Variants in CADPS2 observed in about 807,000 individuals in gnomAD.
CADPS2 encodes calcium-dependent secretion activator 2.
In CADPS2, 93 loss-of-function variants were observed where a neutral mutation model predicts 172.5. That is an observed-to-expected ratio of 0.54 (90% CI 0.46 to 0.64). The LOEUF (loss-of-function observed/expected upper bound fraction) is 0.64. Ranked by LOEUF, CADPS2 falls within the 30% of genes least tolerant of loss-of-function variation. The pLI is 0.00. For missense variants in CADPS2, 1,420 were observed against 1,565.9 expected (o/e 0.91, Z 1.57); for synonymous variants, 546 against 555.2 (o/e 0.98, Z 0.23).
chr7:122,774,382 T>C (rs1216001001), intron 1 of CADPS2, among the ~76,000 whole-genome samples: 2 of 152,042 alleles, frequency 1.3e-5, no homozygotes, highest in African/African-American at 4.8e-5. Context: ...TAAAGAGCTG[T>C]ATTTTTTTCT....
chr7:122,416,460 C>T (rs746047241), intron 17 of CADPS2, among the ~76,000 whole-genome samples: 18 of 152,136 alleles, frequency 1.2e-4, no homozygotes, highest in African/African-American at 2.7e-4. Context: ...TCAAGGTCAG[C>T]GACACAAAGA....
intron 1 of CADPS2, among the ~76,000 whole-genome samples, chr7:122,876,600 T>C (rs1335783503): frequency 1.3e-5 from 2 of 152,140 alleles, no homozygotes; most frequent in African/African-American, 2.4e-5. Flanking sequence ...TGGGCTTAAG[T>C]GATCCTTCTA....
chr7:122,699,796 T>C (rs1184198763), intron 2 of CADPS2, among the ~76,000 whole-genome samples: 1 of 152,086 alleles, frequency 6.6e-6, no homozygotes. Flanking sequence ...AATCAAACAA[T>C]ATTTTGAAAG....
intron 1 of CADPS2, chr7:122,849,891 C>T (rs565040905): frequency 5.2e-6 from 3 of 573,476 alleles, no homozygotes; most frequent in African/African-American, 3.8e-5. Flanking sequence ...GCTTTGGCCC[C>T]AGCCCCTGCC....
rs1161298928 is a variant in CADPS2 at position 122,598,373 on chromosome 7, T to A, written c.1223+16808A>T. Among the ~76,000 whole-genome samples the A allele has an allele frequency of 2.0e-5, 3 of 152,188 alleles. No homozygotes were observed. The East Asian group carries it at 5.8e-4, about 30-fold the overall frequency. The stretch of plus-strand genomic sequence containing the variant: ...TTCTAGCTTACATTTAAAAAGTAGT[T>A]TCTCCAAGAAACCCCAAGTGACATA... On this transcript the variant is annotated intron_variant, in intron 6 of 29. Transcript: ENST00000449022.
At chr7:122,335,810 T>C (rs1479071540) in intron 28 of CADPS2, among the ~76,000 whole-genome samples, 1 of 152,334 alleles carries the variant, frequency 6.6e-6, no homozygotes, top group East Asian at 1.9e-4. Flanking sequence ...TTATTTATCC[T>C]GGAGTAGACA....
intron 4 of CADPS2, among the ~76,000 whole-genome samples, chr7:122,623,438 C>T (rs960194129): frequency 2.6e-5 from 4 of 152,074 alleles, no homozygotes. Flanking sequence ...GAGGTGAAGG[C>T]CATCCAATGA....
Position 122,745,871 on chromosome 7 carries a change from TA to T in CADPS2, c.340-8804del, listed in dbSNP as rs2092701240. On this transcript the variant is annotated intron_variant, in intron 1 of 29. Transcript: ENST00000449022. ...ATGGATCAGAAAAGTCTATCATAGA[TA>T]ACTTAACCTATTTTATTAATTAGTA... 2.0e-5 allele frequency among the ~76,000 whole-genome samples: 3 copies of T among 152,196 alleles called. 1 individual carries two copies. The South Asian group carries it at 6.2e-4, about 32-fold the overall frequency.
intron 11 of CADPS2, 102 bp from the exon 12 acceptor site, chr7:122,480,962 A>G: frequency 1.0e-6 from 1 of 970,338 alleles, no homozygotes; most frequent in Non-Finnish European, 1.4e-6. Flanking sequence ...CTCAATTTCT[A>G]CTCATGATTT....
At chr7:122,328,767 CT>C (rs2150777621) in intron 28 of CADPS2, among the ~76,000 whole-genome samples, 1 of 152,228 alleles carries the variant, frequency 6.6e-6, no homozygotes, top group Non-Finnish European at 1.5e-5. Flanking sequence ...TGTGAGACCC[CT>C]GTATTTATTC....
intron 2 of CADPS2, chr7:122,702,160 G>C: frequency 6.2e-7 from 1 of 1,613,742 alleles, no homozygotes; most frequent in Non-Finnish European, 8.5e-7. Context: ...TGGCAGCCAG[G>C]AAGGTAAATA....
At chr7:122,415,227 C>T (rs963787066) in intron 18 of CADPS2, among the ~76,000 whole-genome samples, 1 of 152,128 alleles carries the variant, frequency 6.6e-6, no homozygotes, top group African/African-American at 2.4e-5. Flanking sequence ...ATCAACCATA[C>T]GCTTATGATT....
chr7:122,414,953 A>T (rs2047712386), intron 18 of CADPS2, among the ~76,000 whole-genome samples: 1 of 152,162 alleles, frequency 6.6e-6, no homozygotes. Flanking sequence ...GACATTTATT[A>T]TATTTATTTA....
chr7:122,649,898 A>ATTTT lies in CADPS2; in HGVS notation c.786+13335_786+13338dup, dbSNP rs71531909. ...TGACATTTTTCTTAAGTATTCAATG[A>ATTTT]TTTTTTTTTTTTTTTTTTTTTTTTT... On this transcript the variant is annotated intron_variant, in intron 3 of 29. Transcript: ENST00000449022. Among the ~76,000 whole-genome samples, 7 of 52,020 alleles carry ATTTT rather than the reference A, an allele frequency of 1.3e-4. 1 individual carries two copies. The highest frequency in any genetic ancestry group is 6.3e-4 in the Admixed American group (2 of 3,154). 34.1% of individuals were successfully genotyped at this position (52,020 alleles called of 152,430 possible).
At chr7:122,590,170 C>A (rs1255647023) in intron 6 of CADPS2, among the ~76,000 whole-genome samples, 1 of 151,604 alleles carries the variant, frequency 6.6e-6, no homozygotes, top group Non-Finnish European at 1.5e-5. Context: ...GAAAAACAAA[C>A]AAACAAACAA....
chr7:122,369,284 C>A lies in CADPS2; in HGVS notation c.3388-8271G>T, dbSNP rs144620834. Among the ~76,000 whole-genome samples the A allele has an allele frequency of 5.7e-3, 869 of 152,010 alleles. 13 individuals carry two copies. Among genetic ancestry groups the A allele is most frequent in the African/African-American group, 0.019 (800 of 41,500 alleles). ...TAGCTGGGACTACATGTGCCCGCCA[C>A]CATGCCCGGCTAATTTTTTGTATTT... On this transcript the variant is annotated intron_variant, in intron 25 of 29. Coordinates refer to ENST00000449022, the MANE Select transcript of CADPS2 (RefSeq NM_017954.11).
chr7:122,383,543 A>C (rs2043267452), intron 24 of CADPS2, among the ~76,000 whole-genome samples: 1 of 151,346 alleles, frequency 6.6e-6, no homozygotes. Flanking sequence ...TTCTTAAGTT[A>C]AGTTTCTCCA....
At chr7:122,443,708 T>TTTATAA (rs2051703563) in intron 15 of CADPS2, among the ~76,000 whole-genome samples, 1 of 42,564 alleles carries the variant, frequency 2.3e-5, no homozygotes, top group Non-Finnish European at 4.3e-5. Flanking sequence ...TTCTGCTTTC[T>TTTATAA]ACAAAAAAAA....
chr7:122,637,171 CTTTTTTTTTTT>C (rs71161313), intron 3 of CADPS2, among the ~76,000 whole-genome samples: 27 of 53,896 alleles, frequency 5.0e-4, no homozygotes, highest in Non-Finnish European at 6.3e-4. Flanking sequence ...TGAAATTTTG[CTTTTTTTTTTT>C]TTTTTTTTTT....
Sources: allele counts gnomAD v4.1 joint callset (sites outside exome capture counted in the v4.1 genomes callset), GRCh38; gene constraint gnomAD v4.1.1; transcripts MANE v1.5; gene names NCBI Gene and HGNC (gene_info 2026-07-23, HGNC 2026-07-21).